DTNB: variants seen among roughly 807,000 people sequenced by gnomAD.
DTNB encodes the protein DTN-B.
A neutral mutation model predicts 90.7 loss-of-function variants in DTNB; 63 were observed. The observed-to-expected ratio is 0.69, with a 90% CI of 0.57 to 0.86. The LOEUF is 0.86. Ranked by LOEUF, DTNB falls within the 40% of genes least tolerant of loss-of-function variation. The pLI is 0.00. For missense variants in DTNB, 744 were observed against 807.1 expected, an observed-to-expected ratio of 0.92 and a Z score of 0.95; for synonymous variants, 277 against 286.7, an observed-to-expected ratio of 0.97 and a Z score of 0.34.
chr2:25,650,184 C>T, intron 2 of DTNB: 2 of 985,462 alleles, frequency 2.0e-6, no homozygotes, highest in Non-Finnish European at 2.4e-6. Context: ...TTACTTAAGG[C>T]ACCCCAGCCT....
At chr2:25,402,407 C>A (rs2043961702) in intron 16 of DTNB, among the ~76,000 whole-genome samples, 1 of 152,194 alleles carries the variant, frequency 6.6e-6, no homozygotes. Context: ...CAGAGGCGCC[C>A]ACCTGCAAGC....
chr2:25,469,389 C>G (rs1188650728), intron 10 of DTNB, among the ~76,000 whole-genome samples: 1 of 152,108 alleles, frequency 6.6e-6, no homozygotes, highest in Non-Finnish European at 1.5e-5. Flanking sequence ...GAAAATGAGG[C>G]TGGGGAGACA....
At chr2:25,554,563 C>T (rs929563520) in intron 8 of DTNB, among the ~76,000 whole-genome samples, 4 of 152,140 alleles carry the variant, frequency 2.6e-5, no homozygotes, top group African/African-American at 4.8e-5. Context: ...AAGGATTCCA[C>T]TCCTAAAAAC....
chr2:25,632,717 T>G (rs567498921), intron 3 of DTNB, among the ~76,000 whole-genome samples: 7 of 146,300 alleles, frequency 4.8e-5, no homozygotes, highest in African/African-American at 1.7e-4. Flanking sequence ...CCCCTCAATC[T>G]TAGACTTCCC....
In DTNB at chr2:25,490,297, T is replaced by C. The variant is rs536900697; in HGVS notation, c.1002-7424A>G. On this transcript the variant is annotated intron_variant, in intron 9 of 20. Transcript: ENST00000406818. ...TCTCGGTGGCGGGCAGGGGGAATTA[T>C]AGACCACTTTCTCTGGGAAAAATAA... 1.1e-3 allele frequency among the ~76,000 whole-genome samples: 167 copies of C among 151,210 alleles called. 1 individual carries two copies. The highest frequency in any genetic ancestry group is 3.4e-3 in the Middle Eastern group (1 of 292).
At chr2:25,568,802 C>G (rs1452645502) in intron 8 of DTNB, among the ~76,000 whole-genome samples, 2 of 152,212 alleles carry the variant, frequency 1.3e-5, no homozygotes, top group Non-Finnish European at 2.9e-5. Context: ...CAACCATCAC[C>G]GGCACCATGA....
At chr2:25,626,948 TTTG>T (rs1368431251) in intron 4 of DTNB, among the ~76,000 whole-genome samples, 1 of 152,232 alleles carries the variant, frequency 6.6e-6, no homozygotes, top group Non-Finnish European at 1.5e-5. Flanking sequence ...GCTTTACAAT[TTTG>T]TTGTTTCATT....
At chr2:25,420,375 A>C (rs1174796315) in intron 15 of DTNB, among the ~76,000 whole-genome samples, 1 of 143,396 alleles carries the variant, frequency 7.0e-6, no homozygotes, top group Non-Finnish European at 1.5e-5. Context: ...AGAATTCTTG[A>C]CCTCAGTTTT....
intron 4 of DTNB, 35 bp from the exon 5 acceptor site, chr2:25,607,356 C>T: frequency 2.6e-6 from 4 of 1,554,600 alleles, no homozygotes; most frequent in Non-Finnish European, 3.5e-6. Flanking sequence ...TAATTGCTAT[C>T]TGAAACCACA....
In DTNB at chr2:25,383,404, G is replaced by A. The variant is rs182220067; in HGVS notation, c.1879+432C>T. Among the ~76,000 whole-genome samples the A allele has an allele frequency of 5.5e-4, 84 of 152,102 alleles. 2 individuals carry two copies. Among genetic ancestry groups the A allele is most frequent in the African/African-American group, 2.0e-3 (83 of 41,484 alleles). On this transcript the variant is annotated intron_variant, in intron 19 of 20. Transcript: ENST00000406818. ...GCTAATTTTTTGTATTTTTAGTAGA[G>A]ATGAGGTTTCACTATGTTGGCCAGC...
chr2:25,418,044 C>G (rs1574097044), intron 16 of DTNB, among the ~76,000 whole-genome samples: 1 of 152,288 alleles, frequency 6.6e-6, no homozygotes, highest in Admixed American at 6.5e-5. Context: ...GCATCCTGTT[C>G]AGCTTTGCCC....
intron 8 of DTNB, among the ~76,000 whole-genome samples, chr2:25,554,842 A>G (rs1248600835): frequency 6.6e-6 from 1 of 152,232 alleles, no homozygotes; most frequent in Non-Finnish European, 1.5e-5. Context: ...ACCATAAATT[A>G]TGAATGGTCA....
chr2:25,467,680 C>T (rs2062056366), intron 10 of DTNB, among the ~76,000 whole-genome samples: 1 of 152,086 alleles, frequency 6.6e-6, no homozygotes, highest in South Asian at 2.1e-4. Flanking sequence ...TACCTTTTAT[C>T]AGCTCTGAAA....
chr2:25,509,462 T>C (rs1454516608), intron 9 of DTNB, among the ~76,000 whole-genome samples: 2 of 152,234 alleles, frequency 1.3e-5, no homozygotes, highest in African/African-American at 4.8e-5. Flanking sequence ...GTTCCTTTAG[T>C]AGTGAGCATT....
At position 25,601,849 on chromosome 2, in the gene DTNB, C is replaced by T. The variant is rs544919682; in HGVS notation, c.448+5387G>A. Among the ~76,000 whole-genome samples the T allele has an allele frequency of 2.6e-5, 4 of 152,146 alleles. No individual in the cohort carries two copies. The South Asian group carries it at 6.3e-4, about 24-fold the overall frequency. ...TCATTAATATGCCACTGGCGGGGTG[C>T]GGTGGCTCATGCCTGTAATTCTAAC... On this transcript the variant is annotated intron_variant, in intron 5 of 20. Transcript: ENST00000406818.
intron 2 of DTNB, among the ~76,000 whole-genome samples, chr2:25,651,048 C>T (rs1180847367): frequency 6.6e-6 from 1 of 151,886 alleles, no homozygotes; most frequent in East Asian, 1.9e-4. Context: ...TTGAGAGGGT[C>T]AAGACTGGAA....
chr2:25,576,097 C>A (rs1308553383), intron 8 of DTNB, among the ~76,000 whole-genome samples: 1 of 152,040 alleles, frequency 6.6e-6, no homozygotes, highest in Non-Finnish European at 1.5e-5. Flanking sequence ...TTATTTTCTG[C>A]AACTTTCCTT....
At chr2:25,427,698 G>A in intron 14 of DTNB, 67 bp from the exon 15 acceptor site, 1 of 1,495,094 alleles carries the variant, frequency 6.7e-7, no homozygotes, top group Non-Finnish European at 9.2e-7. Flanking sequence ...CAGGTGAAAT[G>A]GATTTCAGAC....
intron 14 of DTNB, among the ~76,000 whole-genome samples, chr2:25,431,968 C>T (rs1440339371): frequency 1.3e-5 from 2 of 152,044 alleles, no homozygotes; most frequent in Non-Finnish European, 2.9e-5. Flanking sequence ...AGTTTAAATT[C>T]TTTATGACTC....
Sources: allele counts gnomAD v4.1 joint callset (sites outside exome capture counted in the v4.1 genomes callset), GRCh38; gene constraint gnomAD v4.1.1; transcripts MANE v1.5; gene names NCBI Gene and HGNC (gene_info 2026-07-23, HGNC 2026-07-21).